Variants in NFATC3 observed in about 807,000 individuals in gnomAD.
The protein encoded by NFATC3 is nuclear factor of activated T-cells, cytoplasmic 3.
Under a neutral mutation model 98.6 loss-of-function variants are expected in NFATC3, and 46 were observed. The observed-to-expected ratio is 0.47, with a 90% CI of 0.37 to 0.60. NFATC3 has a LOEUF of 0.60. Ranked by LOEUF, NFATC3 falls within the 20% of genes least tolerant of loss-of-function variation. The probability of loss-of-function intolerance (pLI) is 0.00; values close to 1 mark genes in which losing one functional copy is unlikely to be tolerated. For synonymous variants in NFATC3, 512 were observed against 472.2 expected, an observed-to-expected ratio of 1.08 and a Z score of -1.09; for missense variants, 1,256 against 1,295.5, an observed-to-expected ratio of 0.97 and a Z score of 0.47.
chr16:68,122,573 A>T lies in NFATC3; in HGVS notation c.690A>T (p.Gly230=). ...AAGAAACTTGGCATCAACAGTATGG[A>T]CTTGGACACTCATTATCACCCAGGC... The part of the protein sequence containing the change: ...PGEETWHQQY[G]LGHSLSPRQS... Residue 230 remains glycine (G), a synonymous_variant, in exon 2 of 10, where the codon GGA becomes GGT. Coordinates refer to ENST00000346183, the MANE Select transcript of NFATC3 (RefSeq NM_173165.3). 6.2e-7 allele frequency: 1 copy of T among 1,614,052 alleles called. No homozygotes were observed. The highest frequency in any genetic ancestry group is 8.5e-7 in the Non-Finnish European group (1 of 1,179,990).
intron 1 of NFATC3, among the ~76,000 whole-genome samples, chr16:68,104,065 C>T (rs1169492676): frequency 6.6e-6 from 1 of 152,158 alleles, no homozygotes; most frequent in Non-Finnish European, 1.5e-5. Flanking sequence ...ATTGGCTTTT[C>T]CATTTCTCTA....
chr16:68,089,484 A>G (rs1445808045), intron 1 of NFATC3: 1 of 161,390 alleles, frequency 6.2e-6, no homozygotes, highest in East Asian at 1.9e-4. Flanking sequence ...GGGGTTGTAT[A>G]CCAACTTTAG....
At chr16:68,211,642 C>T (rs2041402099) in intron 9 of NFATC3, among the ~76,000 whole-genome samples, 1 of 151,928 alleles carries the variant, frequency 6.6e-6, no homozygotes, top group East Asian at 1.9e-4. Flanking sequence ...CCTGCCTCAG[C>T]TTCCTGAGTA....
At chr16:68,140,794 T>C (rs1467089865) in intron 3 of NFATC3, among the ~76,000 whole-genome samples, 1 of 152,176 alleles carries the variant, frequency 6.6e-6, no homozygotes, top group Non-Finnish European at 1.5e-5. Flanking sequence ...TAATGAATTA[T>C]TTATATATTT....
At chr16:68,207,575 T>C (rs916752099) in intron 9 of NFATC3, among the ~76,000 whole-genome samples, 6 of 152,322 alleles carry the variant, frequency 3.9e-5, no homozygotes, top group African/African-American at 1.4e-4. Flanking sequence ...GCGATTCTCA[T>C]GCCTCAGCCT....
intron 3 of NFATC3, among the ~76,000 whole-genome samples, chr16:68,150,893 C>T (rs1339250230): frequency 1.3e-5 from 2 of 152,138 alleles, no homozygotes; most frequent in East Asian, 3.9e-4. Flanking sequence ...CCTCCTGCCA[C>T]CTTGTGAAGA....
chr16:68,150,616 A>G (rs1050551245), intron 3 of NFATC3, among the ~76,000 whole-genome samples: 5 of 152,152 alleles, frequency 3.3e-5, no homozygotes, highest in African/African-American at 9.7e-5. Context: ...CTACACGTAT[A>G]ATTTTAAGAA....
At chr16:68,166,388 G>A (rs1417834500) in intron 4 of NFATC3, among the ~76,000 whole-genome samples, 1 of 152,056 alleles carries the variant, frequency 6.6e-6, no homozygotes, top group African/African-American at 2.4e-5. Flanking sequence ...GGATTGTCTG[G>A]GCCTTTCTCT....
At chr16:68,213,083 G>C (rs923458009) in intron 9 of NFATC3, among the ~76,000 whole-genome samples, 3 of 149,938 alleles carry the variant, frequency 2.0e-5, no homozygotes, top group African/African-American at 7.3e-5. Context: ...ACAGGTGTGA[G>C]CCACCATGCC....
chr16:68,122,434 C>A lies in NFATC3; in HGVS notation c.551C>A (p.Ser184Ter). 1 of 1,614,082 alleles carries A rather than the reference C, an allele frequency of 6.2e-7. No individual in the cohort carries two copies. Among genetic ancestry groups the A allele is most frequent in the South Asian group, 1.1e-5 (1 of 91,076 alleles). ...TTCTCTGATGCATCTTCTTGTGAATCGCTTTCACATATTTATGATGATGTG... is the reference window on the plus strand; with the variant it reads ...TTCTCTGATGCATCTTCTTGTGAATAGCTTTCACATATTTATGATGATGTG... ...SWFSDASSCE[S>*]LSHIYDDVDS... Residue 184 changes from serine (S) to a stop codon, truncating the protein, a stop_gained, in exon 2 of 10, where the codon TCG (serine) becomes TAG (stop). Transcript: ENST00000346183. LOFTEE classifies it high-confidence loss of function.
At chr16:68,190,636 T>C (rs1304935969) in intron 8 of NFATC3, 132 bp from the exon 9 acceptor site, 3 of 800,918 alleles carry the variant, frequency 3.7e-6, no homozygotes, top group Non-Finnish European at 5.8e-6. Flanking sequence ...CGATATTTTA[T>C]ATGAACTGCC....
At chr16:68,191,833 C>A in intron 9 of NFATC3, 58 bp downstream of exon 9, 2 of 1,572,606 alleles carry the variant, frequency 1.3e-6, no homozygotes, top group South Asian at 1.1e-5. Flanking sequence ...TTTATTCTCC[C>A]AAGTGTCATG....
intron 6 of NFATC3, among the ~76,000 whole-genome samples, chr16:68,180,298 A>G (rs991840255): frequency 3.9e-5 from 6 of 152,200 alleles, no homozygotes; most frequent in Non-Finnish European, 2.9e-5. Flanking sequence ...TGTGACGGCA[A>G]GGAATAATGT....
intron 2 of NFATC3, among the ~76,000 whole-genome samples, chr16:68,125,487 A>C (rs998089149): frequency 2.0e-5 from 3 of 152,208 alleles, no homozygotes; most frequent in Non-Finnish European, 4.4e-5. Context: ...CCAAAATTAA[A>C]TTTTTACTTC....
At chr16:68,116,000 A>T (rs571594932) in intron 1 of NFATC3, among the ~76,000 whole-genome samples, 3 of 152,078 alleles carry the variant, frequency 2.0e-5, no homozygotes, top group Non-Finnish European at 4.4e-5. Context: ...TGTCACTGCA[A>T]TTTGTGTCCA....
Position 68,122,015 on chromosome 16 carries a change from T to G in NFATC3, c.132T>G (p.Ile44Met). The change falls in exon 2 of 10, where the codon ATT becomes ATG. Residue 44 changes from isoleucine to methionine, a missense_variant. By Grantham distance (10) the Ile-to-Met change is conservative (BLOSUM62 1). Transcript: ENST00000346183. ...ADLEPDDCAS[I>M]YIFNVDPPPS... ...TTGAGCCAGATGATTGTGCATCCAT[T>G]TACATCTTTAATGTAGATCCACCTC... 6.2e-7 allele frequency: 1 copy of G among 1,612,518 alleles called. No homozygotes were observed. Among genetic ancestry groups the G allele is most frequent in the East Asian group, 2.2e-5 (1 of 44,834 alleles).
chr16:68,205,306 G>A (rs1357922533), intron 9 of NFATC3, among the ~76,000 whole-genome samples: 2 of 152,120 alleles, frequency 1.3e-5, no homozygotes, highest in African/African-American at 2.4e-5. Context: ...GGAGTGCAGT[G>A]GGACCATCAT....
At chr16:68,090,786 C>T (rs2034669876) in intron 1 of NFATC3, among the ~76,000 whole-genome samples, 1 of 152,146 alleles carries the variant, frequency 6.6e-6, no homozygotes, top group Admixed American at 6.5e-5. Flanking sequence ...CCATTAGGAA[C>T]TGTAAAGGAG....
At chr16:68,093,718 CAG>C (rs963434013) in intron 1 of NFATC3, among the ~76,000 whole-genome samples, 2 of 152,126 alleles carry the variant, frequency 1.3e-5, no homozygotes, top group African/African-American at 4.8e-5. Context: ...CATAAGGAAA[CAG>C]AAATGCAGAT....
Sources: allele counts gnomAD v4.1 joint callset (sites outside exome capture counted in the v4.1 genomes callset), GRCh38; gene constraint gnomAD v4.1.1; transcripts MANE v1.5; gene names NCBI Gene and HGNC (gene_info 2026-07-23, HGNC 2026-07-21).